The following CHL1 variants were observed in gnomAD, a reference collection of about 807,000 sequenced individuals.
The protein encoded by CHL1 is cell adhesion molecule L1 like.
A neutral mutation model predicts 141.9 loss-of-function variants in CHL1; 96 were observed. The ratio of observed to expected loss-of-function variants is 0.68; its 90% CI spans 0.57 to 0.80. CHL1 has a LOEUF of 0.80. Ranked by LOEUF, CHL1 falls within the 30% of genes least tolerant of loss-of-function variation. The probability of loss-of-function intolerance (pLI) is 0.00; values close to 1 mark genes in which losing one functional copy is unlikely to be tolerated. For missense variants in CHL1, 1,820 were observed against 1,457.2 expected (o/e 1.25, Z -4.05); for synonymous variants, 613 against 502.2 (o/e 1.22, Z -2.95).
At chr3:361,890 G>A (rs1704289461) in intron 13 of CHL1, 80 bp downstream of exon 13, 2 of 967,368 alleles carry the variant, frequency 2.1e-6, no homozygotes, top group African/African-American at 1.6e-5. Context: ...CATTTGACAG[G>A]CTGTATTGTG....
intron 2 of CHL1, among the ~76,000 whole-genome samples, chr3:266,338 C>G (rs1323470142): frequency 4.6e-5 from 7 of 152,090 alleles, no homozygotes; most frequent in African/African-American, 1.4e-4. Flanking sequence ...ATTTCTTTAA[C>G]AAGGAAAGCG....
At chr3:355,063 G>C (rs1553586621) in intron 11 of CHL1, among the ~76,000 whole-genome samples, 1 of 151,966 alleles carries the variant, frequency 6.6e-6, no homozygotes, top group Non-Finnish European at 1.5e-5. Context: ...TGCATCCAAG[G>C]AAAAAAGCCA....
intron 2 of CHL1, among the ~76,000 whole-genome samples, chr3:287,048 C>T (rs765300667): frequency 6.6e-6 from 1 of 152,132 alleles, no homozygotes; most frequent in Non-Finnish European, 1.5e-5. Flanking sequence ...CATCCTCTGA[C>T]TTAGAATACC....
At chr3:352,330 T>A (rs925169097) in intron 10 of CHL1, among the ~76,000 whole-genome samples, 1 of 152,164 alleles carries the variant, frequency 6.6e-6, no homozygotes, top group East Asian at 1.9e-4. Context: ...ATAACCAGTG[T>A]TGTATGTTCT....
At chr3:209,713 C>A (rs191145361) in intron 1 of CHL1, among the ~76,000 whole-genome samples, 1 of 152,178 alleles carries the variant, frequency 6.6e-6, no homozygotes, top group Non-Finnish European at 1.5e-5. Context: ...AGCTCCCCTC[C>A]GCTGCCACCC....
intron 1 of CHL1, among the ~76,000 whole-genome samples, chr3:239,213 A>T (rs1692302403): frequency 6.6e-6 from 1 of 152,210 alleles, no homozygotes; most frequent in African/African-American, 2.4e-5. Flanking sequence ...TGCTTATCAC[A>T]GAGCACCGGC....
At chr3:394,479 G>A (rs911765511) in intron 23 of CHL1, among the ~76,000 whole-genome samples, 3 of 152,078 alleles carry the variant, frequency 2.0e-5, no homozygotes, top group African/African-American at 7.2e-5. Flanking sequence ...GACCCAAGAT[G>A]GGAGCAAAGG....
At chr3:383,991 T>C (rs1474057406) in intron 19 of CHL1, 105 bp downstream of exon 19, 2 of 704,824 alleles carry the variant, frequency 2.8e-6, no homozygotes, top group Admixed American at 5.0e-5. Flanking sequence ...AGAACAAAGA[T>C]AAGATTTGGA....
chr3:351,607 A>G (rs1221547154), intron 10 of CHL1, among the ~76,000 whole-genome samples: 2 of 152,134 alleles, frequency 1.3e-5, no homozygotes, highest in African/African-American at 4.8e-5. Flanking sequence ...AGGATTTGCC[A>G]TGTGAGAAAA....
chr3:220,004 G>T (rs1347680362), intron 1 of CHL1, among the ~76,000 whole-genome samples: 1 of 152,166 alleles, frequency 6.6e-6, no homozygotes, highest in African/African-American at 2.4e-5. Context: ...AAAAGGGATG[G>T]ACTACTGATA....
intron 2 of CHL1, among the ~76,000 whole-genome samples, chr3:265,569 T>C (rs970686973): frequency 1.3e-5 from 2 of 152,170 alleles, no homozygotes; most frequent in African/African-American, 4.8e-5. Context: ...GATTCTGCAG[T>C]TCCAATGGGG....
rs1466377171 is a variant in CHL1, at chr3:407,186, A to G, written c.*1475A>G. On this transcript the variant is annotated 3_prime_UTR_variant, in exon 28 of 28. Transcript: ENST00000256509. Reference sequence around the variant, plus strand: ...ATGGAAAGATTTTTTTAACCTTACCACGAAATACTTAACTACTGTTTAAGT... The same window carrying G: ...ATGGAAAGATTTTTTTAACCTTACCGCGAAATACTTAACTACTGTTTAAGT... 6.6e-6 allele frequency: 1 copy of G among 152,136 alleles called. No homozygotes were observed. Among genetic ancestry groups the G allele is most frequent in the Admixed American group, 6.6e-5 (1 of 15,256 alleles). 9.4% of individuals were successfully genotyped at this position (152,136 alleles called of 1,614,324 possible).
intron 2 of CHL1, among the ~76,000 whole-genome samples, chr3:261,889 C>T (rs570940018): frequency 1.3e-5 from 2 of 151,978 alleles, no homozygotes; most frequent in African/African-American, 4.8e-5. Flanking sequence ...AGTCAATAAT[C>T]GAGTTTGGGA....
chr3:398,924 A>G lies in CHL1; in HGVS notation c.3254-93A>G, dbSNP rs1708894546. On this transcript the variant is annotated intron_variant, in intron 25 of 27. Coordinates refer to ENST00000256509, the MANE Select transcript of CHL1 (RefSeq NM_006614.4). ...ATTAAAAAAACTGATACTATTTGGT[A>G]TGTTTAAAAATGATGTCTAATTTTC... 1.6e-5 allele frequency: 19 copies of G among 1,159,792 alleles called. 1 individual carries two copies. The South Asian group carries it at 2.0e-4, about 12-fold the overall frequency. 71.8% of individuals were successfully genotyped at this position (1,159,792 alleles called of 1,614,324 possible).
intron 1 of CHL1, among the ~76,000 whole-genome samples, chr3:233,442 G>T (rs1702032560): frequency 6.6e-6 from 1 of 152,074 alleles, no homozygotes; most frequent in Non-Finnish European, 1.5e-5. Flanking sequence ...AAATAACTAT[G>T]TGGCTTTGGA....
chr3:289,040 C>T (rs1448126798), intron 2 of CHL1, among the ~76,000 whole-genome samples: 4 of 151,994 alleles, frequency 2.6e-5, no homozygotes, highest in Non-Finnish European at 2.9e-5. Context: ...AATGACAATG[C>T]GAAGGGTGAT....
chr3:334,674 A>G lies in CHL1; in HGVS notation c.386-6120A>G, dbSNP rs189817076. 3.9e-4 allele frequency among the ~76,000 whole-genome samples: 59 copies of G among 152,300 alleles called. No homozygotes were observed. The South Asian group carries it at 8.7e-3, about 22-fold the overall frequency. ...GATATCATTTCCTGTTAATCCATCC[A>G]CCAGTTGATGAACATTTGAATTATT... On this transcript the variant is annotated intron_variant, in intron 5 of 27. Transcript: ENST00000256509.
intron 1 of CHL1, among the ~76,000 whole-genome samples, chr3:239,177 T>C (rs1574820707): frequency 6.6e-6 from 1 of 152,314 alleles, no homozygotes. Flanking sequence ...AACAGTGATG[T>C]GGCTGCTGCT....
At chr3:358,927 C>A (rs1703957300) in intron 11 of CHL1, among the ~76,000 whole-genome samples, 1 of 148,498 alleles carries the variant, frequency 6.7e-6, no homozygotes, top group Non-Finnish European at 1.5e-5. Context: ...ACATTTCCAG[C>A]TAACATGTTT....
Sources: gnomAD v4.1 joint callset for allele counts (sites outside exome capture counted in the v4.1 genomes callset) on GRCh38, gnomAD v4.1.1 for gene constraint, MANE v1.5 for transcripts, NCBI Gene and HGNC (gene_info 2026-07-23, HGNC 2026-07-21) for gene names.